Variants in MYZAP observed in about 807,000 individuals in gnomAD.
MYZAP encodes the protein GRINL1A complex locus upstream.
Under a neutral mutation model 69.4 loss-of-function variants are expected in MYZAP, and 66 were observed. That is an observed-to-expected ratio of 0.95 (90% CI 0.78 to 1.17). MYZAP has a LOEUF of 1.17. Among genes scored for constraint, MYZAP ranks in the 50% most tolerant of loss-of-function variants. MYZAP has a pLI of 0.00. For missense variants in MYZAP, 611 were observed against 556.2 expected, an observed-to-expected ratio of 1.10 and a Z score of -0.99; for synonymous variants, 256 against 205.9, an observed-to-expected ratio of 1.24 and a Z score of -2.09.
intron 1 of MYZAP, among the ~76,000 whole-genome samples, chr15:57,593,505 G>C (rs1392831518): frequency 2.0e-5 from 3 of 152,198 alleles, no homozygotes; most frequent in African/African-American, 7.2e-5. Flanking sequence ...TTCCCTTCCA[G>C]AGGTGGGGAT....
chr15:57,671,902 G>T (rs1327948270), intron 11 of MYZAP, among the ~76,000 whole-genome samples: 1 of 151,990 alleles, frequency 6.6e-6, no homozygotes, highest in Non-Finnish European at 1.5e-5. Flanking sequence ...CTTAGGAGTG[G>T]GTACTATTTT....
chr15:57,599,689 G>C (rs189403851), intron 1 of MYZAP: 7 of 1,288,866 alleles, frequency 5.4e-6, no homozygotes, highest in Non-Finnish European at 7.1e-6. Context: ...GATCAGCCTC[G>C]TAAAATGCTC....
intron 12 of MYZAP, among the ~76,000 whole-genome samples, chr15:57,679,171 C>T (rs1214833022): frequency 3.3e-5 from 5 of 151,208 alleles, no homozygotes; most frequent in Non-Finnish European, 3.0e-5. Context: ...AGTGAAACTC[C>T]GTCTCAAAAA....
At chr15:57,627,311 A>G (rs2036195024) in intron 5 of MYZAP, among the ~76,000 whole-genome samples, 1 of 149,116 alleles carries the variant, frequency 6.7e-6, no homozygotes, top group Non-Finnish European at 1.5e-5. Context: ...AGTCCTGGAC[A>G]GCCAAAGGAG....
chr15:57,655,075 T>C (rs1380247741), intron 10 of MYZAP, among the ~76,000 whole-genome samples: 1 of 152,150 alleles, frequency 6.6e-6, no homozygotes, highest in Non-Finnish European at 1.5e-5. Context: ...GTAACTATGA[T>C]GTGTCCTAAC....
intron 2 of MYZAP, among the ~76,000 whole-genome samples, 187 bp from the exon 3 acceptor site, chr15:57,617,846 C>A (rs1236285241): frequency 6.6e-6 from 1 of 152,138 alleles, no homozygotes; most frequent in Non-Finnish European, 1.5e-5. Flanking sequence ...GTAAAAGCAG[C>A]CCAAGCCTAT....
At chr15:57,683,700 C>T (rs2039549872) in intron 12 of MYZAP, among the ~76,000 whole-genome samples, 1 of 152,150 alleles carries the variant, frequency 6.6e-6, no homozygotes, top group South Asian at 2.1e-4. Flanking sequence ...CCAGCAGATC[C>T]AGTGTTTGGC....
At chr15:57,617,974 A>C in intron 2 of MYZAP, 59 bp from the exon 3 acceptor site, 1 of 1,561,684 alleles carries the variant, frequency 6.4e-7, no homozygotes. Flanking sequence ...CCGTTATTAC[A>C]ACTGTGCATG....
intron 8 of MYZAP, among the ~76,000 whole-genome samples, chr15:57,634,661 C>T (rs188090361): frequency 1.8e-4 from 27 of 152,322 alleles, no homozygotes; most frequent in Non-Finnish European, 8.8e-5. Context: ...GGCGAGGTGT[C>T]GCCACTATGG....
chr15:57,658,849 T>C (rs1212868442), intron 10 of MYZAP, among the ~76,000 whole-genome samples: 1 of 152,230 alleles, frequency 6.6e-6, no homozygotes, highest in African/African-American at 2.4e-5. Flanking sequence ...CTTGAAGCCA[T>C]TATTTCATAG....
intron 12 of MYZAP, among the ~76,000 whole-genome samples, chr15:57,682,703 C>G (rs564387747): frequency 2.0e-5 from 3 of 152,294 alleles, no homozygotes; most frequent in African/African-American, 7.2e-5. Context: ...CTCCACCAGG[C>G]CTCATCTTCT....
chr15:57,677,578 A>G (rs1367652924), intron 12 of MYZAP, among the ~76,000 whole-genome samples: 1 of 152,264 alleles, frequency 6.6e-6, no homozygotes, highest in Admixed American at 6.5e-5. Flanking sequence ...TCTAACTAAT[A>G]AAAGATTCCA....
intron 12 of MYZAP, among the ~76,000 whole-genome samples, chr15:57,682,249 C>T (rs145178301): frequency 2.0e-5 from 3 of 151,988 alleles, no homozygotes; most frequent in Non-Finnish European, 4.4e-5. Flanking sequence ...AGAGAGAGAG[C>T]GTGGGGGATT....
chr15:57,630,028 G>A (rs1183551940), intron 6 of MYZAP, among the ~76,000 whole-genome samples, 174 bp downstream of exon 6: 1 of 146,786 alleles, frequency 6.8e-6, no homozygotes, highest in Non-Finnish European at 1.5e-5. Context: ...GAGTGCAGTG[G>A]TACAATCATG....
At chr15:57,644,474 C>T (rs2037336429) in intron 10 of MYZAP, among the ~76,000 whole-genome samples, 1 of 152,104 alleles carries the variant, frequency 6.6e-6, no homozygotes. Flanking sequence ...GAGACAAAGT[C>T]TTGCCCTGTT....
intron 2 of MYZAP, among the ~76,000 whole-genome samples, chr15:57,617,179 G>C (rs77169750): frequency 0.015 from 2,245 of 152,172 alleles, 30 homozygotes; most frequent in South Asian, 0.044. Flanking sequence ...GTTGCCTAAC[G>C]TCTCTGAACT....
In MYZAP at chr15:57,629,708, C is replaced by T. The variant is rs2036380839; in HGVS notation, c.532C>T (p.Leu178Phe). The change falls in exon 6 of 13, where the codon CTC becomes TTC. Residue 178 changes from leucine to phenylalanine, a missense_variant. Coordinates refer to ENST00000267853, the MANE Select transcript of MYZAP (RefSeq NM_001018100.5). Reference protein sequence around the residue: ...ASDSIGLQKTLVDVTLENSNI... With the variant: ...ASDSIGLQKTFVDVTLENSNI... ...TTTATTTTCATCCTCACAGAAAACC[C>T]TCGTGGATGTGACTTTGGAAAACAG... 6.2e-7 allele frequency: 1 copy of T among 1,607,998 alleles called. No homozygotes were observed. Among genetic ancestry groups the T allele is most frequent in the African/African-American group, 1.3e-5 (1 of 74,440 alleles).
intron 12 of MYZAP, among the ~76,000 whole-genome samples, chr15:57,682,172 C>G (rs1040010520): frequency 7.9e-5 from 12 of 152,148 alleles, no homozygotes; most frequent in Admixed American, 7.2e-4. Flanking sequence ...CTCCATCTAG[C>G]AACCCTGCCT....
chr15:57,613,885 A>G (rs2035269764), intron 2 of MYZAP, among the ~76,000 whole-genome samples: 1 of 151,490 alleles, frequency 6.6e-6, no homozygotes, highest in Middle Eastern at 3.2e-3. Context: ...TAATATCATC[A>G]TAATGCTCTT....
Sources: allele counts gnomAD v4.1 joint callset (sites outside exome capture counted in the v4.1 genomes callset), GRCh38; gene constraint gnomAD v4.1.1; transcripts MANE v1.5; gene names NCBI Gene and HGNC (gene_info 2026-07-23, HGNC 2026-07-21).